TRUB1: variants seen among roughly 807,000 people sequenced by gnomAD.
TRUB1 encodes the protein TruB pseudouridine synthase family member 1, also known as pseudouridylate synthase TRUB1.
A neutral mutation model predicts 33.9 loss-of-function variants in TRUB1; 23 were observed. The observed-to-expected ratio is 0.68, with a 90% confidence interval of 0.49 to 0.96. The LOEUF is 0.96. Among genes scored for constraint, TRUB1 ranks in the 40% least tolerant of loss-of-function variants. The probability of loss-of-function intolerance (pLI) is 0.00; values close to 1 mark genes in which losing one functional copy is unlikely to be tolerated. For synonymous variants in TRUB1, 163 were observed against 165.4 expected (o/e 0.99, Z 0.11); for missense variants, 378 against 422.2 (o/e 0.90, Z 0.92).
chr10:114,943,542 CA>C (rs961625897), intron 2 of TRUB1, among the ~76,000 whole-genome samples: 2 of 151,814 alleles, frequency 1.3e-5, no homozygotes, highest in Admixed American at 1.3e-4. Flanking sequence ...CAAAACAAAA[CA>C]AAACAAAACA....
chr10:114,966,627 C>A (rs1361247077), intron 4 of TRUB1, among the ~76,000 whole-genome samples: 1 of 152,132 alleles, frequency 6.6e-6, no homozygotes, highest in Non-Finnish European at 1.5e-5. Flanking sequence ...AATAAGATAT[C>A]TCTCTTCATT....
At position 114,975,522 on chromosome 10, in the gene TRUB1, A is replaced by G. The variant is rs2084356819; in HGVS notation, c.*143A>G. 2.6e-6 allele frequency: 2 copies of G among 759,882 alleles called. No individual in the cohort carries two copies. Among genetic ancestry groups the G allele is most frequent in the African/African-American group, 1.8e-5 (1 of 56,244 alleles). The allele number at this position is 759,882 out of a possible 1,614,324, so 47.1% of individuals were successfully genotyped here. ...AAAATGTCTATCATTTACAGTTTCA[A>G]TAGCACATAATTTATTTTCTATGCA... On this transcript the variant is annotated 3_prime_UTR_variant, in exon 8 of 8. Transcript: ENST00000298746.
At chr10:114,958,902 G>T in intron 3 of TRUB1, among the ~76,000 whole-genome samples, 1 of 152,150 alleles carries the variant, frequency 6.6e-6, no homozygotes. Context: ...TTGGGAGGCC[G>T]AGGTGGGTGG....
intron 1 of TRUB1, among the ~76,000 whole-genome samples, chr10:114,940,165 A>G (rs1348527395): frequency 6.6e-6 from 1 of 152,160 alleles, no homozygotes; most frequent in Admixed American, 6.5e-5. Flanking sequence ...GTTGTTGCCC[A>G]GGCTGGAGTG....
chr10:114,943,417 C>T (rs1395858497), intron 2 of TRUB1, among the ~76,000 whole-genome samples: 1 of 152,170 alleles, frequency 6.6e-6, no homozygotes. Context: ...GTAATCCCAG[C>T]TACTTGGGAG....
rs2084233200 is a variant in TRUB1 at position 114,951,087 on chromosome 10, T to C, written c.386-7T>C. 1 of 1,610,990 alleles carries C rather than the reference T, an allele frequency of 6.2e-7. No homozygotes were observed. Among genetic ancestry groups the C allele is most frequent in the Non-Finnish European group, 8.5e-7 (1 of 1,177,900 alleles). The stretch of plus-strand genomic sequence containing the variant: ...AGTGTCATAATATTTCTTTCTTTGA[T>C]TTGTAGTTGTTGGAATTGGAAGCGG... On this transcript the variant is annotated splice_region_variant and splice_polypyrimidine_tract_variant and intron_variant, in intron 2 of 7. Transcript: ENST00000298746.
At chr10:114,970,262 G>T (rs901119258) in intron 4 of TRUB1, 106 bp from the exon 5 acceptor site, 1 of 766,340 alleles carries the variant, frequency 1.3e-6, no homozygotes, top group South Asian at 1.8e-5. Context: ...TGTAATATAT[G>T]CTTTTGGAAA....
chr10:114,960,026 G>A (rs1181805862), intron 4 of TRUB1: 13 of 480,628 alleles, frequency 2.7e-5, no homozygotes, highest in Non-Finnish European at 4.4e-5. Context: ...CTATAGTGAT[G>A]TTTTAAGTGT....
In TRUB1 at chr10:114,976,612, C is replaced by G. The variant is rs1314260521; in HGVS notation, c.*1233C>G. 2 of 152,080 alleles carry G rather than the reference C, an allele frequency of 1.3e-5. No individual in the cohort carries two copies. Among genetic ancestry groups the G allele is most frequent in the Non-Finnish European group, 2.9e-5 (2 of 67,970 alleles). The allele number at this position is 152,080 out of a possible 1,614,324, so 9.4% of individuals were successfully genotyped here. On this transcript the variant is annotated 3_prime_UTR_variant, in exon 8 of 8. Transcript: ENST00000298746. The stretch of plus-strand genomic sequence containing the variant: ...TTTTAGATGTTTATGCTTTGCCTTT[C>G]TTTTTAAAGGTGTTTTCCTGCTTTG...
rs771511523 is a variant in TRUB1, at chr10:114,938,499, A to G, written c.246A>G (p.Ser82=). Reference sequence around the variant, plus strand: ...TGCACAAGCCCAAAGGGCCCACTTCAGCCGAGCTGCTGAATCGGTTGAAGG... The same window carrying G: ...TGCACAAGCCCAAAGGGCCCACTTCGGCCGAGCTGCTGAATCGGTTGAAGG... ...FAVHKPKGPT[S]AELLNRLKEK... is the part of the protein sequence containing the mutation. Residue 82 remains serine (S), a synonymous_variant, in exon 1 of 8, where the codon TCA becomes TCG. Coordinates refer to ENST00000298746, the MANE Select transcript of TRUB1 (RefSeq NM_139169.5). 8.3e-6 allele frequency: 13 copies of G among 1,568,596 alleles called. No individual in the cohort carries two copies. The highest frequency in any genetic ancestry group is 3.4e-4 in the Middle Eastern group (2 of 5,862).
intron 2 of TRUB1, among the ~76,000 whole-genome samples, chr10:114,947,916 C>T (rs1005856800): frequency 6.6e-6 from 1 of 152,228 alleles, no homozygotes; most frequent in South Asian, 2.1e-4. Context: ...AAAATAGATT[C>T]CTACGATTGG....
chr10:114,956,153 T>C (rs1403672891), intron 3 of TRUB1, among the ~76,000 whole-genome samples: 2 of 152,148 alleles, frequency 1.3e-5, no homozygotes, highest in East Asian at 3.9e-4. Flanking sequence ...AGCTTGACGA[T>C]GAGTAAAGTA....
At chr10:114,940,375 C>T (rs2084181146) in intron 1 of TRUB1, among the ~76,000 whole-genome samples, 1 of 152,216 alleles carries the variant, frequency 6.6e-6, no homozygotes, top group Non-Finnish European at 1.5e-5. Flanking sequence ...CCCGCCTCAG[C>T]CTCCCAAAAT....
Position 114,965,328 on chromosome 10 carries a change from T to G in TRUB1, c.524-5040T>G, listed in dbSNP as rs918299875. Among the ~76,000 whole-genome samples the G allele has an allele frequency of 3.3e-5, 5 of 152,320 alleles. No individual in the cohort carries two copies. The South Asian group carries it at 6.2e-4, about 19-fold the overall frequency. ...GTTTTTTAAAATCATGAGCAGATAT[T>G]AAATTGTATCAAATTTTTTTTCTGT... is the stretch of plus-strand genomic sequence containing the variant. On this transcript the variant is annotated intron_variant, in intron 4 of 7. Coordinates refer to ENST00000298746, the MANE Select transcript of TRUB1 (RefSeq NM_139169.5).
Position 114,956,343 on chromosome 10 carries a change from C to T in TRUB1, c.442-3383C>T, listed in dbSNP as rs12245286. ...TAACAACTCCAAAGCACAGACTCTACGTAGAATTTAAGCCAGTGAAAAGAA... is the reference window on the plus strand; with the variant it reads ...TAACAACTCCAAAGCACAGACTCTATGTAGAATTTAAGCCAGTGAAAAGAA... On this transcript the variant is annotated intron_variant, in intron 3 of 7. Coordinates refer to ENST00000298746, the MANE Select transcript of TRUB1 (RefSeq NM_139169.5). Among the ~76,000 whole-genome samples the T allele has an allele frequency of 3.5e-3, 532 of 152,204 alleles. 5 individuals carry two copies. The highest frequency in any genetic ancestry group is 0.012 in the African/African-American group (490 of 41,514).
At chr10:114,943,499 C>T (rs2084198228) in intron 2 of TRUB1, among the ~76,000 whole-genome samples, 1 of 152,072 alleles carries the variant, frequency 6.6e-6, no homozygotes, top group Non-Finnish European at 1.5e-5. Flanking sequence ...CACTGCACTC[C>T]AGCCTGGGCG....
chr10:114,947,047 G>A (rs1272333683), intron 2 of TRUB1, among the ~76,000 whole-genome samples: 20 of 152,172 alleles, frequency 1.3e-4, no homozygotes, highest in Admixed American at 1.3e-3. Flanking sequence ...AAAAGTGGAA[G>A]AGGAGGCAGA....
At chr10:114,964,138 C>A (rs919354787) in intron 4 of TRUB1, among the ~76,000 whole-genome samples, 2 of 152,136 alleles carry the variant, frequency 1.3e-5, no homozygotes, top group Non-Finnish European at 2.9e-5. Flanking sequence ...ATTCCACTTG[C>A]CCCACATACT....
chr10:114,941,567 T>C (rs2084186935), intron 1 of TRUB1, among the ~76,000 whole-genome samples: 1 of 151,932 alleles, frequency 6.6e-6, no homozygotes, highest in African/African-American at 2.4e-5. Flanking sequence ...GGTCTCAAAC[T>C]TCCAGGTTCA....
Sources: allele counts gnomAD v4.1 joint callset (sites outside exome capture counted in the v4.1 genomes callset), GRCh38; gene constraint gnomAD v4.1.1; transcripts MANE v1.5; gene names NCBI Gene and HGNC (gene_info 2026-07-23, HGNC 2026-07-21).